PDE10A: variants seen among roughly 807,000 people sequenced by gnomAD.
PDE10A encodes phosphodiesterase 10A.
PDE10A carries 39 observed loss-of-function variants against 97.7 expected under a neutral mutation model. The observed-to-expected ratio is 0.40, with a 90% CI of 0.31 to 0.52. The LOEUF is 0.52. Ranked by LOEUF, PDE10A falls within the 20% of genes least tolerant of loss-of-function variation. The pLI, the probability that PDE10A is intolerant of heterozygous loss-of-function variation, is 0.56. For missense variants in PDE10A, 731 were observed against 1,047.8 expected, an observed-to-expected ratio of 0.70 and a Z score of 4.17; for synonymous variants, 371 against 376.8, an observed-to-expected ratio of 0.98 and a Z score of 0.18.
At chr6:165,555,032 AG>A (rs1784183406) in intron 1 of PDE10A, among the ~76,000 whole-genome samples, 1 of 152,158 alleles carries the variant, frequency 6.6e-6, no homozygotes, top group Admixed American at 6.5e-5. Flanking sequence ...GAAGTGTAGT[AG>A]GGGGCTAGGA....
intron 1 of PDE10A, among the ~76,000 whole-genome samples, chr6:165,610,004 A>G (rs1417694999): frequency 6.6e-6 from 1 of 152,216 alleles, no homozygotes; most frequent in Non-Finnish European, 1.5e-5. Context: ...ATTGGAAAAA[A>G]CTGCTTTAAA....
At chr6:165,576,852 C>A (rs1785333045) in intron 1 of PDE10A, among the ~76,000 whole-genome samples, 1 of 152,236 alleles carries the variant, frequency 6.6e-6, no homozygotes, top group Non-Finnish European at 1.5e-5. Context: ...AGTTAGCCAT[C>A]ATTTTCCCCT....
intron 17 of PDE10A, among the ~76,000 whole-genome samples, chr6:165,384,218 T>C (rs1182822032): frequency 3.9e-5 from 6 of 152,008 alleles, no homozygotes; most frequent in Non-Finnish European, 8.8e-5. Flanking sequence ...CAAAATACGA[T>C]GAAGGCTGAA....
chr6:165,778,166 C>G (rs1025404951), intron 1 of PDE10A, among the ~76,000 whole-genome samples: 2 of 152,056 alleles, frequency 1.3e-5, no homozygotes, highest in Non-Finnish European at 2.9e-5. Flanking sequence ...TCTCTGCCTC[C>G]CGGGTTCACG....
chr6:165,940,752 C>G (rs976875498), intron 1 of PDE10A: 3 of 152,202 alleles, frequency 2.0e-5, no homozygotes, highest in African/African-American at 7.2e-5. Flanking sequence ...GCCGACAGTT[C>G]CATTTTTAAA....
chr6:165,512,593 G>A (rs1781566000), intron 2 of PDE10A, among the ~76,000 whole-genome samples: 1 of 151,870 alleles, frequency 6.6e-6, no homozygotes, highest in Non-Finnish European at 1.5e-5. Flanking sequence ...TTCACCAGTG[G>A]AGAGACATTT....
intron 2 of PDE10A, among the ~76,000 whole-genome samples, chr6:165,517,011 T>G (rs1398252364): frequency 3.4e-5 from 5 of 149,122 alleles, no homozygotes; most frequent in Admixed American, 3.3e-4. Flanking sequence ...CACATTACCA[T>G]GAATCAAAAA....
At chr6:165,435,905 A>G (rs1789981871) in intron 5 of PDE10A, among the ~76,000 whole-genome samples, 1 of 152,220 alleles carries the variant, frequency 6.6e-6, no homozygotes, top group Non-Finnish European at 1.5e-5. Context: ...AGAATACTCT[A>G]GATGAAAAAT....
intron 3 of PDE10A, among the ~76,000 whole-genome samples, chr6:165,478,908 A>G (rs1024826587): frequency 6.6e-6 from 1 of 152,144 alleles, no homozygotes; most frequent in African/African-American, 2.4e-5. Flanking sequence ...TTTGAATCCG[A>G]CTATGACCTG....
intron 1 of PDE10A, among the ~76,000 whole-genome samples, chr6:165,619,437 GT>G (rs1275635119): frequency 5.4e-4 from 36 of 66,266 alleles, no homozygotes; most frequent in Middle Eastern, 8.9e-3. Context: ...GTATAGTGTA[GT>G]GTAGTATAGT....
intron 3 of PDE10A, among the ~76,000 whole-genome samples, chr6:165,466,934 C>T (rs1019655134): frequency 1.7e-4 from 26 of 151,916 alleles, no homozygotes; most frequent in African/African-American, 3.4e-4. Flanking sequence ...AAGTTGTGAA[C>T]GCAAAGAAAA....
At chr6:165,349,607 C>T (rs924676982) in intron 18 of PDE10A, among the ~76,000 whole-genome samples, 6 of 152,190 alleles carry the variant, frequency 3.9e-5, no homozygotes, top group Non-Finnish European at 7.3e-5. Context: ...TAACAAAGAA[C>T]TGAGTGTTAA....
chr6:165,863,723 C>T (rs1433841206), intron 1 of PDE10A, among the ~76,000 whole-genome samples: 1 of 152,140 alleles, frequency 6.6e-6, no homozygotes, highest in Non-Finnish European at 1.5e-5. Context: ...GATGATATGA[C>T]ACAGATATAC....
chr6:165,617,565 A>C (rs1220507403), intron 1 of PDE10A, among the ~76,000 whole-genome samples: 2 of 152,042 alleles, frequency 1.3e-5, no homozygotes, highest in African/African-American at 4.8e-5. Flanking sequence ...GGGAGGTGGG[A>C]GTAATGGAGA....
chr6:165,582,963 T>C (rs1562601603), intron 1 of PDE10A, among the ~76,000 whole-genome samples: 3 of 152,154 alleles, frequency 2.0e-5, no homozygotes, highest in Non-Finnish European at 4.4e-5. Context: ...CCTTTATAAA[T>C]ACAAACAAAA....
intron 1 of PDE10A, among the ~76,000 whole-genome samples, chr6:165,933,504 C>T (rs538397996): frequency 6.6e-6 from 1 of 152,272 alleles, no homozygotes; most frequent in East Asian, 1.9e-4. Context: ...TATATGCCCA[C>T]TTCTAAGGGA....
At chr6:165,924,190 T>G (rs1782850688) in intron 1 of PDE10A, among the ~76,000 whole-genome samples, 1 of 152,240 alleles carries the variant, frequency 6.6e-6, no homozygotes, top group Non-Finnish European at 1.5e-5. Flanking sequence ...GTTTCCAAGT[T>G]GGATAAAATA....
intron 1 of PDE10A, among the ~76,000 whole-genome samples, chr6:165,983,142 A>G (rs1785071537): frequency 6.6e-6 from 1 of 152,116 alleles, no homozygotes; most frequent in African/African-American, 2.4e-5. Context: ...CATTCAGTCT[A>G]AGCTAGGATA....
rs1441744007 is a variant in PDE10A at position 165,388,246 on chromosome 6, A to G, written c.2610+52T>C. 8 of 1,560,832 alleles carry G rather than the reference A, an allele frequency of 5.1e-6. No individual in the cohort carries two copies. The Admixed American group carries it at 6.7e-5, about 13-fold the overall frequency. On this transcript the variant is annotated intron_variant, in intron 17 of 21. Coordinates refer to ENST00000539869, the MANE Select transcript of PDE10A (RefSeq NM_001385079.1). This position sits in a 1 kb window ranked among gnomAD's most constrained non-coding sequence, Gnocchi z 4.0. ...CCTTTTCCACCTATGAAGTATCCCT[A>G]TCTCCCAGACAGCCCTTCAGACTAA...
Sources: allele counts gnomAD v4.1 joint callset (sites outside exome capture counted in the v4.1 genomes callset), GRCh38; gene constraint gnomAD v4.1.1; non-coding constraint Gnocchi (gnomAD v3.1); transcripts MANE v1.5; gene names NCBI Gene and HGNC (gene_info 2026-07-23, HGNC 2026-07-21).